CACHD1: variants seen among roughly 807,000 people sequenced by gnomAD.
CACHD1 encodes VWFA and cache domain-containing protein 1.
CACHD1 carries 71 observed loss-of-function variants against 138.7 expected under a neutral mutation model. The observed-to-expected ratio is 0.51, with a 90% CI of 0.42 to 0.62. The LOEUF is 0.62. Ranked by LOEUF, CACHD1 falls within the 20% of genes least tolerant of loss-of-function variation. The pLI, the probability that CACHD1 is intolerant of heterozygous loss-of-function variation, is 0.00. For missense variants in CACHD1, 1,389 were observed against 1,625.3 expected, an observed-to-expected ratio of 0.85 and a Z score of 2.50; for synonymous variants, 578 against 591.5, an observed-to-expected ratio of 0.98 and a Z score of 0.33.
At chr1:64,480,666 T>TTTTATTTA (rs1028477572) in intron 1 of CACHD1, among the ~76,000 whole-genome samples, 2 of 152,038 alleles carry the variant, frequency 1.3e-5, no homozygotes, top group African/African-American at 4.8e-5. Context: ...TCCAAACAAT[T>TTTTATTTA]TTTATTTTTT....
chr1:64,622,975 T>C (rs1035508326), intron 4 of CACHD1, among the ~76,000 whole-genome samples: 1 of 152,250 alleles, frequency 6.6e-6, no homozygotes, highest in Non-Finnish European at 1.5e-5. Context: ...TATCTATTTC[T>C]ATGCTGGTTG....
At chr1:64,586,360 C>T (rs532375791) in intron 3 of CACHD1, among the ~76,000 whole-genome samples, 5 of 152,296 alleles carry the variant, frequency 3.3e-5, no homozygotes, top group East Asian at 1.9e-4. Context: ...CACACTTGAG[C>T]GACTGCACCC....
At chr1:64,628,389 T>C (rs914690319) in intron 4 of CACHD1, among the ~76,000 whole-genome samples, 1 of 152,160 alleles carries the variant, frequency 6.6e-6, no homozygotes, top group African/African-American at 2.4e-5. Flanking sequence ...TCTTGCCAAA[T>C]GTAAAGCAGT....
In CACHD1 at chr1:64,677,812, A is replaced by T. The variant is rs562721631; in HGVS notation, c.3093-347A>T. ...ACTTTTTTTTTTATTTTTTTAAATGACCCCACACTTGGGGGATGTTAAGCC... is the reference window on the plus strand; with the variant it reads ...ACTTTTTTTTTTATTTTTTTAAATGTCCCCACACTTGGGGGATGTTAAGCC... On this transcript the variant is annotated intron_variant, in intron 22 of 26. Coordinates refer to ENST00000651257, the MANE Select transcript of CACHD1 (RefSeq NM_020925.4). 3.6e-4 allele frequency among the ~76,000 whole-genome samples: 54 copies of T among 152,008 alleles called. No homozygotes were observed. In the South Asian group the frequency reaches 7.3e-3, roughly 20 times the overall value.
intron 3 of CACHD1, among the ~76,000 whole-genome samples, chr1:64,582,735 TG>T (rs1247223289): frequency 1.3e-5 from 2 of 152,124 alleles, no homozygotes; most frequent in African/African-American, 2.4e-5. Context: ...CTATGGGAAA[TG>T]TGTTTTCAGA....
rs1489688512 is a variant in CACHD1 at position 64,484,218 on chromosome 1, CAG to C, written c.198+13277_198+13278del. Among the ~76,000 whole-genome samples, 4 of 151,986 alleles carry C rather than the reference CAG, an allele frequency of 2.6e-5. No individual in the cohort carries two copies. In the East Asian group the frequency reaches 7.8e-4, roughly 30 times the overall value. On this transcript the variant is annotated intron_variant, in intron 1 of 26. Coordinates refer to ENST00000651257, the MANE Select transcript of CACHD1 (RefSeq NM_020925.4). ...GCAGTGATGGAAAGGAGGAGCCAAT[CAG>C]GGGAGGGGCTGGGGGCCTAGTAGAA...
At chr1:64,623,764 G>T (rs2100620966) in intron 4 of CACHD1, among the ~76,000 whole-genome samples, 1 of 152,304 alleles carries the variant, frequency 6.6e-6, no homozygotes, top group African/African-American at 2.4e-5. Flanking sequence ...ATTGCCTCCT[G>T]CACATGTGTC....
chr1:64,563,870 C>A (rs1299317232), intron 2 of CACHD1: 1 of 151,670 alleles, frequency 6.6e-6, no homozygotes, highest in African/African-American at 2.4e-5. Context: ...GTGTCTACAT[C>A]AATTTTATCT....
intron 13 of CACHD1, among the ~76,000 whole-genome samples, chr1:64,661,620 A>G (rs772327155): frequency 5.3e-5 from 8 of 152,136 alleles, no homozygotes; most frequent in Non-Finnish European, 1.5e-5. Context: ...CACTCCAATC[A>G]GATCCTAACT....
chr1:64,614,854 AC>A (rs1334845743), intron 4 of CACHD1, among the ~76,000 whole-genome samples: 1 of 151,554 alleles, frequency 6.6e-6, no homozygotes, highest in African/African-American at 2.4e-5. Context: ...TAACGTAGAG[AC>A]CCCCCAAAAG....
intron 2 of CACHD1, among the ~76,000 whole-genome samples, chr1:64,571,534 C>T (rs904411338): frequency 6.6e-6 from 1 of 152,094 alleles, no homozygotes; most frequent in African/African-American, 2.4e-5. Flanking sequence ...ATTGTCATCC[C>T]AGGACTTGGA....
At chr1:64,675,682 C>G (rs1309944047) in intron 20 of CACHD1, 121 bp downstream of exon 20, 2 of 1,263,072 alleles carry the variant, frequency 1.6e-6, no homozygotes, top group Admixed American at 4.0e-5. Flanking sequence ...AGAAAAGTCA[C>G]AGTTACAAAG....
chr1:64,574,737 A>G (rs1386111612), intron 2 of CACHD1, among the ~76,000 whole-genome samples: 6 of 152,220 alleles, frequency 3.9e-5, no homozygotes, highest in Admixed American at 2.6e-4. Context: ...TTCTCAAGCA[A>G]CATCACAAAG....
At chr1:64,618,168 C>T (rs1295198738) in intron 4 of CACHD1, among the ~76,000 whole-genome samples, 5 of 151,558 alleles carry the variant, frequency 3.3e-5, no homozygotes, top group African/African-American at 9.7e-5. Context: ...ATAGCAATAA[C>T]AGTGGATAAT....
chr1:64,558,510 C>T (rs930009053), intron 2 of CACHD1, among the ~76,000 whole-genome samples: 1 of 152,080 alleles, frequency 6.6e-6, no homozygotes, highest in African/African-American at 2.4e-5. Flanking sequence ...GATTTAGATA[C>T]TGACTTGATA....
At chr1:64,621,291 C>T (rs1270738716) in intron 4 of CACHD1, among the ~76,000 whole-genome samples, 1 of 152,134 alleles carries the variant, frequency 6.6e-6, no homozygotes, top group Non-Finnish European at 1.5e-5. Context: ...ACCACTGGGA[C>T]ATTCCATATA....
chr1:64,472,541 A>G (rs1234324662), intron 1 of CACHD1, among the ~76,000 whole-genome samples: 2 of 152,230 alleles, frequency 1.3e-5, no homozygotes, highest in African/African-American at 4.8e-5. Context: ...AGCTTTTAAG[A>G]TGCATCATTC....
intron 3 of CACHD1, among the ~76,000 whole-genome samples, chr1:64,583,885 C>T (rs943983772): frequency 5.9e-5 from 9 of 152,188 alleles, no homozygotes; most frequent in African/African-American, 1.9e-4. Flanking sequence ...TCATCTCCCA[C>T]TGGGTCCTTC....
chr1:64,684,755 G>A (rs754452759), intron 26 of CACHD1, among the ~76,000 whole-genome samples: 1 of 152,082 alleles, frequency 6.6e-6, no homozygotes, highest in Non-Finnish European at 1.5e-5. Context: ...TACCAATCCT[G>A]CAAGCTCCAT....
Sources: allele counts gnomAD v4.1 joint callset (sites outside exome capture counted in the v4.1 genomes callset), GRCh38; gene constraint gnomAD v4.1.1; transcripts MANE v1.5; gene names NCBI Gene and HGNC (gene_info 2026-07-23, HGNC 2026-07-21).